Variants in ROBO1 observed in about 807,000 individuals in gnomAD.
The protein encoded by ROBO1 is roundabout homolog 1.
Under a neutral mutation model 195.9 loss-of-function variants are expected in ROBO1, and 149 were observed. The ratio of observed to expected loss-of-function variants is 0.76; its 90% confidence interval spans 0.67 to 0.87. The LOEUF (loss-of-function observed/expected upper bound fraction) is 0.87. Among genes scored for constraint, ROBO1 ranks in the 40% least tolerant of loss-of-function variants. ROBO1 has a pLI of 0.00. For missense variants in ROBO1, 1,933 were observed against 2,068.3 expected (o/e 0.93, Z 1.27); for synonymous variants, 816 against 733.2 (o/e 1.11, Z -1.82).
chr3:78,721,725 TG>T (rs1416487674), intron 5 of ROBO1, among the ~76,000 whole-genome samples: 2 of 152,222 alleles, frequency 1.3e-5, no homozygotes, highest in Non-Finnish European at 2.9e-5. Flanking sequence ...ATAAATAATT[TG>T]CAACAGCTTA....
chr3:79,303,814 C>A (rs1458520513), intron 2 of ROBO1, among the ~76,000 whole-genome samples: 1 of 152,054 alleles, frequency 6.6e-6, no homozygotes, highest in Non-Finnish European at 1.5e-5. Context: ...AACCACCATT[C>A]TCAACTTCTT....
At chr3:79,257,487 C>T (rs1035451159) in intron 2 of ROBO1, among the ~76,000 whole-genome samples, 64 of 152,076 alleles carry the variant, frequency 4.2e-4, no homozygotes, top group African/African-American at 2.4e-5. Context: ...AGTGAATCTT[C>T]GGTTTGTACT....
chr3:79,196,119 C>A (rs778165541), intron 2 of ROBO1, among the ~76,000 whole-genome samples: 4 of 151,408 alleles, frequency 2.6e-5, no homozygotes, highest in Non-Finnish European at 4.4e-5. Flanking sequence ...AATATGTATG[C>A]CAGCAATAAT....
intron 2 of ROBO1, chr3:79,512,971 A>C (rs1377971291): frequency 3.3e-5 from 5 of 152,176 alleles, no homozygotes; most frequent in Non-Finnish European, 7.4e-5. Context: ...ATCAAGCACA[A>C]TGAATCAATC....
At chr3:79,729,100 G>T (rs1223953888) in intron 1 of ROBO1, among the ~76,000 whole-genome samples, 2 of 152,090 alleles carry the variant, frequency 1.3e-5, no homozygotes, top group East Asian at 1.9e-4. Context: ...AATTCTTAAT[G>T]AATAGCCATG....
chr3:79,575,090 A>C lies in ROBO1; in HGVS notation c.88+14734T>G, dbSNP rs1437228985. Reference sequence around the variant, plus strand: ...TGTCTTTGTGTTTTTAAACAAGGAAATGAAAACAAATATATATATATAACA... The same window carrying C: ...TGTCTTTGTGTTTTTAAACAAGGAACTGAAAACAAATATATATATATAACA... On this transcript the variant is annotated intron_variant, in intron 2 of 30. Transcript: ENST00000464233. Among the ~76,000 whole-genome samples the C allele has an allele frequency of 3.5e-5, 5 of 143,312 alleles. No homozygotes were observed. The East Asian group carries it at 9.9e-4, about 28-fold the overall frequency. 94.0% of individuals were successfully genotyped at this position (143,312 alleles called of 152,430 possible).
At chr3:79,225,978 C>T (rs189966298) in intron 2 of ROBO1, among the ~76,000 whole-genome samples, 1 of 152,234 alleles carries the variant, frequency 6.6e-6, no homozygotes, top group Admixed American at 6.5e-5. Flanking sequence ...TTAGCATTGC[C>T]TATGATTACT....
At chr3:79,639,350 C>T (rs1386164836) in intron 1 of ROBO1, among the ~76,000 whole-genome samples, 1 of 152,030 alleles carries the variant, frequency 6.6e-6, no homozygotes, top group African/African-American at 2.4e-5. Context: ...GCAGCAAACA[C>T]AACTATTCAT....
intron 2 of ROBO1, among the ~76,000 whole-genome samples, chr3:79,254,797 AAC>A (rs1468254525): frequency 6.6e-6 from 1 of 152,150 alleles, no homozygotes; most frequent in African/African-American, 2.4e-5. Flanking sequence ...AGTTCATAGT[AAC>A]CAAGACTGTA....
At chr3:79,479,909 C>T (rs920166420) in intron 2 of ROBO1, among the ~76,000 whole-genome samples, 1 of 152,098 alleles carries the variant, frequency 6.6e-6, no homozygotes, top group Non-Finnish European at 1.5e-5. Context: ...ACTCAGGCCA[C>T]CTTAACATGG....
chr3:79,671,850 A>G (rs1023607510), intron 1 of ROBO1, among the ~76,000 whole-genome samples: 4 of 151,946 alleles, frequency 2.6e-5, no homozygotes, highest in Non-Finnish European at 5.9e-5. Context: ...AATAAAATTA[A>G]TGCCTTTATT....
chr3:79,109,256 A>G (rs1207354297), intron 3 of ROBO1, among the ~76,000 whole-genome samples: 1 of 151,930 alleles, frequency 6.6e-6, no homozygotes, highest in Non-Finnish European at 1.5e-5. Flanking sequence ...ATGCTAGCAT[A>G]AAACATTTGA....
intron 1 of ROBO1, among the ~76,000 whole-genome samples, chr3:79,738,090 C>T (rs928172240): frequency 6.6e-6 from 1 of 152,040 alleles, no homozygotes; most frequent in Non-Finnish European, 1.5e-5. Flanking sequence ...TTTCACAGAG[C>T]CAATTTTATT....
chr3:79,323,846 G>A (rs975414798), intron 2 of ROBO1, among the ~76,000 whole-genome samples: 9 of 152,024 alleles, frequency 5.9e-5, no homozygotes, highest in Non-Finnish European at 1.0e-4. Flanking sequence ...TGCAAATTAC[G>A]CATTTTCCTT....
intron 29 of ROBO1, among the ~76,000 whole-genome samples, chr3:78,603,461 C>T (rs1050761271): frequency 6.6e-6 from 1 of 152,122 alleles, no homozygotes; most frequent in Non-Finnish European, 1.5e-5. Context: ...ATCTGTCCCT[C>T]TCTCCCTGAC....
At chr3:79,739,430 A>C (rs1560146886) in intron 1 of ROBO1, among the ~76,000 whole-genome samples, 1 of 152,206 alleles carries the variant, frequency 6.6e-6, no homozygotes, top group Non-Finnish European at 1.5e-5. Context: ...ACTTTTCCTT[A>C]TAAGTGGTCT....
chr3:79,095,605 C>T (rs1321248769), intron 3 of ROBO1, among the ~76,000 whole-genome samples: 2 of 152,016 alleles, frequency 1.3e-5, no homozygotes, highest in African/African-American at 4.8e-5. Flanking sequence ...TAAGTTACTC[C>T]TGGATTCTTT....
intron 4 of ROBO1, among the ~76,000 whole-genome samples, chr3:78,927,800 G>T (rs1003575988): frequency 2.0e-5 from 3 of 152,130 alleles, no homozygotes; most frequent in Non-Finnish European, 4.4e-5. Context: ...ATGAGAAGAT[G>T]ACTAACCCAG....
At chr3:79,666,742 A>T (rs1946487028) in intron 1 of ROBO1, among the ~76,000 whole-genome samples, 2 of 151,868 alleles carry the variant, frequency 1.3e-5, no homozygotes, top group African/African-American at 4.8e-5. Flanking sequence ...TTTATAAATT[A>T]CCCATTCTTG....
Sources: gnomAD v4.1 joint callset for allele counts (sites outside exome capture counted in the v4.1 genomes callset) on GRCh38, gnomAD v4.1.1 for gene constraint, MANE v1.5 for transcripts, NCBI Gene and HGNC (gene_info 2026-07-23, HGNC 2026-07-21) for gene names.